Variants in WDR17 observed in about 807,000 individuals in gnomAD.
The protein encoded by WDR17 is WD repeat-containing protein 17.
WDR17 carries 143 observed loss-of-function variants against 161.7 expected under a neutral mutation model. The ratio of observed to expected loss-of-function variants is 0.88; its 90% confidence interval spans 0.77 to 1.02. The LOEUF (loss-of-function observed/expected upper bound fraction) is 1.02, where lower values mean the gene tolerates loss of function less well. WDR17 is among the 50% of genes least tolerant of loss of function. The probability of loss-of-function intolerance (pLI) is 0.00; values close to 1 mark genes in which losing one functional copy is unlikely to be tolerated. For missense variants in WDR17, 1,469 were observed against 1,520.9 expected, an observed-to-expected ratio of 0.97 and a Z score of 0.57; for synonymous variants, 517 against 515.6, an observed-to-expected ratio of 1.00 and a Z score of -0.04.
chr4:176,126,608 C>T (rs562714959), intron 5 of WDR17, among the ~76,000 whole-genome samples: 6 of 152,234 alleles, frequency 3.9e-5, no homozygotes, highest in Admixed American at 3.9e-4. Context: ...CCTGACTTTG[C>T]AGTGTGACAA....
intron 4 of WDR17, among the ~76,000 whole-genome samples, chr4:176,121,363 G>A (rs978663113): frequency 7.2e-5 from 11 of 151,992 alleles, no homozygotes; most frequent in East Asian, 1.9e-4. Context: ...CTTTGTCTCC[G>A]GCAGTCTTCC....
At chr4:176,177,180 T>C in intron 27 of WDR17, 24 bp downstream of exon 27, 1 of 1,591,386 alleles carries the variant, frequency 6.3e-7, no homozygotes, top group Middle Eastern at 1.7e-4. Flanking sequence ...ATATAAAAAT[T>C]GGAATGCAGA....
At chr4:176,136,831 T>C (rs1338981839) in intron 8 of WDR17, among the ~76,000 whole-genome samples, 1 of 151,558 alleles carries the variant, frequency 6.6e-6, no homozygotes, top group East Asian at 1.9e-4. Context: ...GTGTGTATAA[T>C]CATTTATCAT....
In WDR17 at chr4:176,161,010, A is replaced by T; in HGVS notation, c.2750+8A>T. 6.2e-7 allele frequency: 1 copy of T among 1,601,798 alleles called. No homozygotes were observed. The highest frequency in any genetic ancestry group is 1.1e-5 in the South Asian group (1 of 87,992). ...CAAGGAAGACTTTAATGAGTGAGTG[A>T]TTTATTTGCTCTGGGTCCATATGTT... On this transcript the variant is annotated splice_region_variant and intron_variant, in intron 20 of 28. Coordinates refer to ENST00000508596, the MANE Select transcript of WDR17 (RefSeq NM_181265.4).
In WDR17 at chr4:176,134,115, C is replaced by G. The variant is rs1743994016; in HGVS notation, c.1099-993C>G. Reference sequence around the variant, plus strand: ...AACAACATTTTTACTTCTTGCTAACCCTTGAGATTTTTCTTTCCTTTACCT... The same window carrying G: ...AACAACATTTTTACTTCTTGCTAACGCTTGAGATTTTTCTTTCCTTTACCT... On this transcript the variant is annotated intron_variant, in intron 7 of 28. Transcript: ENST00000508596. 2.0e-5 allele frequency among the ~76,000 whole-genome samples: 3 copies of G among 151,652 alleles called. No homozygotes were observed. The South Asian group carries it at 6.2e-4, about 31-fold the overall frequency.
At chr4:176,173,133 A>G in intron 24 of WDR17, 134 bp from the exon 25 acceptor site, 1 of 564,260 alleles carries the variant, frequency 1.8e-6, no homozygotes, top group Non-Finnish European at 3.1e-6. Context: ...ATAAATAGGA[A>G]AATACTTGTG....
At chr4:176,170,415 A>G (rs529211818) in intron 23 of WDR17, among the ~76,000 whole-genome samples, 5 of 151,196 alleles carry the variant, frequency 3.3e-5, no homozygotes, top group African/African-American at 9.7e-5. Flanking sequence ...TGCTGGGTTC[A>G]AGCGATTCTC....
intron 13 of WDR17, among the ~76,000 whole-genome samples, chr4:176,148,709 A>G (rs955737752): frequency 1.3e-5 from 2 of 152,222 alleles, no homozygotes; most frequent in Non-Finnish European, 2.9e-5. Context: ...AAGTTGTTTA[A>G]CAGGAAATCA....
chr4:176,146,584 C>T (rs1482747527), intron 12 of WDR17, among the ~76,000 whole-genome samples: 2 of 152,038 alleles, frequency 1.3e-5, no homozygotes, highest in Non-Finnish European at 2.9e-5. Context: ...TGCAGTGGGG[C>T]CTATAAAAGC....
At chr4:176,155,185 A>G (rs997104420) in intron 17 of WDR17, among the ~76,000 whole-genome samples, 3 of 152,088 alleles carry the variant, frequency 2.0e-5, no homozygotes, top group Non-Finnish European at 4.4e-5. Flanking sequence ...TTCAAAGTAC[A>G]TATTTTAGTT....
intron 8 of WDR17, among the ~76,000 whole-genome samples, chr4:176,136,013 A>T (rs1744339859): frequency 6.6e-6 from 1 of 151,614 alleles, no homozygotes; most frequent in African/African-American, 2.4e-5. Flanking sequence ...TTGGGCCTCC[A>T]AGGGTTTTAT....
At chr4:176,127,543 G>A (rs1049031507) in intron 5 of WDR17, among the ~76,000 whole-genome samples, 44 of 152,120 alleles carry the variant, frequency 2.9e-4, no homozygotes, top group African/African-American at 1.0e-3. Context: ...TGATCCACCT[G>A]CCTCAGCCTC....
intron 1 of WDR17, among the ~76,000 whole-genome samples, chr4:176,083,823 A>C (rs1307600742): frequency 6.6e-6 from 1 of 152,078 alleles, no homozygotes; most frequent in East Asian, 1.9e-4. Flanking sequence ...GTTACTCTGC[A>C]CTGTCGCCAA....
At chr4:176,108,916 A>G (rs950074816) in intron 1 of WDR17, among the ~76,000 whole-genome samples, 3 of 152,066 alleles carry the variant, frequency 2.0e-5, no homozygotes, top group South Asian at 2.1e-4. Context: ...CAGCTTCCCA[A>G]GTAGCTGGGG....
chr4:176,130,234 T>C (rs555516530), intron 6 of WDR17, among the ~76,000 whole-genome samples: 4 of 152,296 alleles, frequency 2.6e-5, no homozygotes, highest in Admixed American at 2.0e-4. Context: ...AACCCACCTA[T>C]AATGTCAATT....
At chr4:176,124,077 A>T (rs1742043263) in intron 4 of WDR17, among the ~76,000 whole-genome samples, 1 of 152,220 alleles carries the variant, frequency 6.6e-6, no homozygotes, top group Admixed American at 6.5e-5. Context: ...GGAGACATTT[A>T]TTTCTGGTCT....
At chr4:176,124,169 C>T (rs933359588) in intron 4 of WDR17, among the ~76,000 whole-genome samples, 9 of 152,170 alleles carry the variant, frequency 5.9e-5, no homozygotes, top group African/African-American at 1.9e-4. Context: ...ACTTCCTTTA[C>T]GATACTTATG....
chr4:176,121,975 C>T (rs1233122379), intron 4 of WDR17, among the ~76,000 whole-genome samples: 1 of 152,132 alleles, frequency 6.6e-6, no homozygotes, highest in Non-Finnish European at 1.5e-5. Flanking sequence ...TTCTGTTCCA[C>T]CCATATATTA....
chr4:176,071,139 G>A (rs1278802484), intron 1 of WDR17, among the ~76,000 whole-genome samples: 1 of 151,098 alleles, frequency 6.6e-6, no homozygotes, highest in African/African-American at 2.4e-5. Flanking sequence ...TTTTTAATGA[G>A]CAGTGATTCT....
Sources: gnomAD v4.1 joint callset for allele counts (sites outside exome capture counted in the v4.1 genomes callset) on GRCh38, gnomAD v4.1.1 for gene constraint, MANE v1.5 for transcripts, NCBI Gene and HGNC (gene_info 2026-07-23, HGNC 2026-07-21) for gene names.